SYNE2: variants seen among roughly 807,000 people sequenced by gnomAD.
SYNE2 encodes nesprin-2.
In SYNE2, 431 loss-of-function variants were observed where a neutral mutation model predicts 856.3. The ratio of observed to expected loss-of-function variants is 0.50; its 90% CI spans 0.47 to 0.55. The LOEUF is 0.55. Ranked by LOEUF, SYNE2 falls within the 20% of genes least tolerant of loss-of-function variation. The pLI, the probability that SYNE2 is intolerant of heterozygous loss-of-function variation, is 0.00. For missense variants in SYNE2, 8,129 were observed against 8,023.2 expected (o/e 1.01, Z -0.50); for synonymous variants, 2,923 against 2,872.3 (o/e 1.02, Z -0.56).
chr14:64,124,194 A>T (rs887462441), intron 70 of SYNE2, among the ~76,000 whole-genome samples: 2 of 151,898 alleles, frequency 1.3e-5, no homozygotes, highest in Non-Finnish European at 2.9e-5. Flanking sequence ...GACAACAGCG[A>T]GACTCCGTCT....
At chr14:64,062,501 A>T (rs1272246303) in intron 49 of SYNE2, among the ~76,000 whole-genome samples, 1 of 146,168 alleles carries the variant, frequency 6.8e-6, no homozygotes, top group African/African-American at 2.6e-5. Context: ...AGTGAACTTT[A>T]AAAAAAAAAA....
At chr14:63,806,528 G>A (rs942535179) in intron 1 of SYNE2, among the ~76,000 whole-genome samples, 1 of 152,046 alleles carries the variant, frequency 6.6e-6, no homozygotes, top group African/African-American at 2.4e-5. Context: ...TCTTTTTTGG[G>A]ATAGTTTCAG....
chr14:64,062,637 A>G (rs879611242), intron 49 of SYNE2, 114 bp from the exon 50 acceptor site: 1 of 1,093,464 alleles, frequency 9.1e-7, no homozygotes, highest in Non-Finnish European at 1.3e-6. Flanking sequence ...CAAAAACGAA[A>G]GTTGTCATAT....
intron 1 of SYNE2, among the ~76,000 whole-genome samples, chr14:63,834,287 C>T (rs149449980): frequency 0.02 from 3,053 of 152,056 alleles, 41 homozygotes; most frequent in Admixed American, 0.032. Flanking sequence ...TGCTTGATTC[C>T]GGGAGGCAGA....
intron 3 of SYNE2, 32 bp from the exon 4 acceptor site, chr14:63,941,663 T>G (rs2095917990): frequency 6.3e-7 from 1 of 1,583,060 alleles, no homozygotes. Flanking sequence ...GACCAAAGTT[T>G]GAATGATTAT....
intron 7 of SYNE2, among the ~76,000 whole-genome samples, chr14:63,951,620 A>T (rs997730823): frequency 1.3e-5 from 2 of 152,078 alleles, no homozygotes; most frequent in African/African-American, 4.8e-5. Flanking sequence ...ACTTTTCTTT[A>T]ATTGTCATTC....
intron 30 of SYNE2, among the ~76,000 whole-genome samples, chr14:64,004,954 G>A (rs79032369): frequency 1.7e-3 from 254 of 152,314 alleles, no homozygotes; most frequent in African/African-American, 5.9e-3. Flanking sequence ...ATCAGGGAAG[G>A]CCTCACTGAG....
intron 76 of SYNE2, among the ~76,000 whole-genome samples, chr14:64,131,124 G>A (rs1245927455): frequency 6.6e-6 from 1 of 152,172 alleles, no homozygotes; most frequent in Non-Finnish European, 1.5e-5. Flanking sequence ...GTAGAGCTTA[G>A]TCTAAGAAAA....
chr14:63,808,345 T>G (rs918087495), intron 1 of SYNE2, among the ~76,000 whole-genome samples: 12 of 151,862 alleles, frequency 7.9e-5, no homozygotes, highest in Non-Finnish European at 1.6e-4. Context: ...AAAAATTTGC[T>G]GGGTGTGTTG....
At position 64,141,365 on chromosome 14, in the gene SYNE2, A is replaced by G. The variant is rs1311073269; in HGVS notation, c.15001A>G (p.Lys5001Glu). 2 of 1,613,572 alleles carry G rather than the reference A, an allele frequency of 1.2e-6. No homozygotes were observed. The highest frequency in any genetic ancestry group is 1.7e-6 in the Non-Finnish European group (2 of 1,179,874). ...FFEFSKEVDE[K>E]SSLKTAVISI... ...GGAGTTTTCAAAAGAAGTTGATGAA[A>G]AATCCTCCTTGAAGACTGCCGTTAT... is the stretch of plus-strand genomic sequence containing the variant. The change falls in exon 81 of 116, where the codon AAA (lysine) becomes GAA (glutamate). Residue 5001 changes from lysine (K) to glutamate (E), a missense_variant. By Grantham distance (56) the Lys-to-Glu change is moderately conservative. This residue lies in a region of SYNE2 where 5,410 missense variants were observed against 5,284.8 expected (regional missense o/e 1.02). Transcript: ENST00000555002.
chr14:63,956,621 T>C (rs2096244991), intron 8 of SYNE2, among the ~76,000 whole-genome samples: 1 of 152,122 alleles, frequency 6.6e-6, no homozygotes, highest in Non-Finnish European at 1.5e-5. Flanking sequence ...TGGTTTCTAG[T>C]ATACAGCCTG....
intron 54 of SYNE2, among the ~76,000 whole-genome samples, chr14:64,076,345 A>C (rs2097459273): frequency 6.6e-6 from 1 of 152,200 alleles, no homozygotes; most frequent in Non-Finnish European, 1.5e-5. Flanking sequence ...CTTGCATTTT[A>C]TAATACAGTT....
intron 99 of SYNE2, among the ~76,000 whole-genome samples, chr14:64,192,986 A>G (rs2098525061): frequency 2.6e-5 from 4 of 152,332 alleles, no homozygotes; most frequent in African/African-American, 7.2e-5. Flanking sequence ...TGAGGCAGCA[A>G]ACTTGGACCT....
intron 2 of SYNE2, 124 bp downstream of exon 2, chr14:63,909,351 G>C: frequency 1.7e-6 from 1 of 597,716 alleles, no homozygotes; most frequent in Non-Finnish European, 3.0e-6. Flanking sequence ...TTTTCCAACT[G>C]TAGAAACCTT....
At chr14:64,008,526 A>AT (rs1426197115) in intron 31 of SYNE2, among the ~76,000 whole-genome samples, 1 of 152,146 alleles carries the variant, frequency 6.6e-6, no homozygotes, top group Admixed American at 6.5e-5. Context: ...GGCAATTCTT[A>AT]TTTTTTAAAA....
intron 9 of SYNE2, among the ~76,000 whole-genome samples, chr14:63,962,319 G>A (rs2153448433): frequency 6.6e-6 from 1 of 152,154 alleles, no homozygotes; most frequent in African/African-American, 2.4e-5. Flanking sequence ...GCCTCCCAAA[G>A]TGCTGGGATT....
At chr14:64,021,237 C>T in intron 35 of SYNE2, 78 bp from the exon 36 acceptor site, 2 of 1,104,248 alleles carry the variant, frequency 1.8e-6, no homozygotes, top group Non-Finnish European at 2.8e-6. Context: ...AATCTCAACC[C>T]ATTCTCTAGC....
At chr14:64,166,604 A>G (rs3866743) in intron 90 of SYNE2, among the ~76,000 whole-genome samples, 7,028 of 152,270 alleles carry the variant, frequency 0.046, 206 homozygotes, top group African/African-American at 0.068. Flanking sequence ...AGGCCAGGTT[A>G]TTGGCAGACT....
chr14:63,900,651 G>A (rs781662229), intron 1 of SYNE2, among the ~76,000 whole-genome samples: 1 of 152,188 alleles, frequency 6.6e-6, no homozygotes, highest in Admixed American at 6.5e-5. Flanking sequence ...GGTTGTTCTG[G>A]CATTTGTGTG....
Sources: gnomAD v4.1 joint callset for allele counts (sites outside exome capture counted in the v4.1 genomes callset) on GRCh38, gnomAD v4.1.1 for gene constraint, gnomAD v4.1.1 regional missense constraint, MANE v1.5 for transcripts, NCBI Gene and HGNC (gene_info 2026-07-23, HGNC 2026-07-21) for gene names.